Variants in DGKG observed in about 807,000 individuals in gnomAD.
The protein encoded by DGKG is diacylglycerol kinase gamma, also known as DAG kinase gamma.
DGKG carries 78 observed loss-of-function variants against 105.3 expected under a neutral mutation model. The ratio of observed to expected loss-of-function variants is 0.74; its 90% confidence interval spans 0.62 to 0.89. The LOEUF is 0.89. DGKG is among the 40% of genes least tolerant of loss of function. The probability of loss-of-function intolerance (pLI) is 0.00; values close to 1 mark genes in which losing one functional copy is unlikely to be tolerated. For synonymous variants in DGKG, 346 were observed against 367.1 expected (o/e 0.94, Z 0.66); for missense variants, 958 against 1,020.1 (o/e 0.94, Z 0.83).
At chr3:186,221,454 G>A (rs1007784508) in intron 20 of DGKG, among the ~76,000 whole-genome samples, 4 of 152,206 alleles carry the variant, frequency 2.6e-5, no homozygotes, top group South Asian at 2.1e-4. Context: ...CTGATTTGGC[G>A]GAGGGTGGAG....
At chr3:186,243,999 C>T (rs1235192096) in intron 19 of DGKG, among the ~76,000 whole-genome samples, 3 of 147,024 alleles carry the variant, frequency 2.0e-5, no homozygotes, top group Non-Finnish European at 4.5e-5. Context: ...CAGGTTCAGG[C>T]AATTCTTCTG....
At chr3:186,289,846 A>G (rs1464829276) in intron 5 of DGKG, among the ~76,000 whole-genome samples, 1 of 152,206 alleles carries the variant, frequency 6.6e-6, no homozygotes, top group Non-Finnish European at 1.5e-5. Flanking sequence ...GAGGAAGGCA[A>G]TGTTACCTGT....
intron 23 of DGKG, 26 bp from the exon 24 acceptor site, chr3:186,161,689 A>T (rs1382360250): frequency 1.9e-6 from 3 of 1,613,988 alleles, no homozygotes; most frequent in Admixed American, 1.7e-5. Flanking sequence ...CCAAGAGAAC[A>T]CAGTGAGCTT....
chr3:186,152,330 C>T (rs540980870), intron 24 of DGKG, among the ~76,000 whole-genome samples: 49 of 152,240 alleles, frequency 3.2e-4, no homozygotes, highest in African/African-American at 9.6e-4. Flanking sequence ...TATCCCAGGA[C>T]GCACGGAAGC....
chr3:186,302,551 TATATATAC>T (rs1256916300), intron 3 of DGKG, among the ~76,000 whole-genome samples: 43 of 33,026 alleles, frequency 1.3e-3, no homozygotes, highest in South Asian at 4.9e-3. Context: ...TATATATATA[TATATATAC>T]ACATATGTAT....
chr3:186,274,014 T>C (rs1002902441), intron 10 of DGKG, among the ~76,000 whole-genome samples: 1 of 152,114 alleles, frequency 6.6e-6, no homozygotes, highest in African/African-American at 2.4e-5. Context: ...ATCACTCTTT[T>C]CCCCCATCTC....
rs745786256 is a variant in DGKG, at chr3:186,161,136, C to T, written c.2277+467G>A. On this transcript the variant is annotated intron_variant, in intron 24 of 24. Transcript: ENST00000265022. ...CTGTGCTCTGCGAGGAATTTTCTCC[C>T]GGGAGCTCCAGCAGTCAAAGGCGCT... 15 of 987,838 alleles carry T rather than the reference C, an allele frequency of 1.5e-5. No individual in the cohort carries two copies. In the South Asian group the frequency reaches 3.7e-4, roughly 24 times the overall value. 61.2% of individuals were successfully genotyped at this position (987,838 alleles called of 1,614,324 possible).
chr3:186,168,388 G>T (rs1716657642), intron 22 of DGKG, among the ~76,000 whole-genome samples: 1 of 152,132 alleles, frequency 6.6e-6, no homozygotes, highest in South Asian at 2.1e-4. Flanking sequence ...AAGAAAAGAG[G>T]ATGATAACAA....
chr3:186,186,934 T>C (rs1236173890), intron 22 of DGKG, among the ~76,000 whole-genome samples: 1 of 152,236 alleles, frequency 6.6e-6, no homozygotes, highest in Non-Finnish European at 1.5e-5. Flanking sequence ...TGGTGGCCTC[T>C]AAAGCATACT....
chr3:186,342,088 G>A (rs1726114926), intron 1 of DGKG, among the ~76,000 whole-genome samples: 1 of 152,148 alleles, frequency 6.6e-6, no homozygotes, highest in Admixed American at 6.5e-5. Flanking sequence ...AGTGGGTGCA[G>A]TGCACCAGCA....
intron 21 of DGKG, among the ~76,000 whole-genome samples, chr3:186,196,735 T>C (rs1364826224): frequency 6.6e-6 from 1 of 152,140 alleles, no homozygotes; most frequent in African/African-American, 2.4e-5. Context: ...TTAGAGATCA[T>C]TCCTAATTAC....
At chr3:186,262,335 T>C (rs1390435156) in intron 14 of DGKG, among the ~76,000 whole-genome samples, 1 of 152,206 alleles carries the variant, frequency 6.6e-6, no homozygotes, top group Non-Finnish European at 1.5e-5. Context: ...TCTCTCCCTA[T>C]GAAACTCGGC....
rs1196815188 is a variant in DGKG, at chr3:186,320,487, G to A, written c.-28C>T. The stretch of plus-strand genomic sequence containing the variant: ...TTAAACTTTATGTGAGTGGCTAAAG[G>A]GCAGTGATGGAGTTTTGTTCACTAG... On this transcript the variant is annotated 5_prime_UTR_variant, in exon 2 of 25. Coordinates refer to ENST00000265022, the MANE Select transcript of DGKG (RefSeq NM_001346.3). 6.2e-7 allele frequency: 1 copy of A among 1,614,160 alleles called. No individual in the cohort carries two copies. The highest frequency in any genetic ancestry group is 1.1e-5 in the South Asian group (1 of 91,068).
At chr3:186,337,082 A>G (rs1422011241) in intron 1 of DGKG, among the ~76,000 whole-genome samples, 1 of 152,218 alleles carries the variant, frequency 6.6e-6, no homozygotes, top group Non-Finnish European at 1.5e-5. Flanking sequence ...CTTCTCTTAC[A>G]TAAACCATTC....
At chr3:186,327,181 A>G (rs140784974) in intron 1 of DGKG, among the ~76,000 whole-genome samples, 1 of 152,208 alleles carries the variant, frequency 6.6e-6, no homozygotes, top group East Asian at 1.9e-4. Flanking sequence ...AAACAAAAAG[A>G]AAAAGATATA....
intron 21 of DGKG, among the ~76,000 whole-genome samples, chr3:186,189,608 A>G (rs115337378): frequency 6.6e-6 from 1 of 152,304 alleles, no homozygotes; most frequent in Non-Finnish European, 1.5e-5. Context: ...AAAACCCACT[A>G]TCTCTGAGGT....
chr3:186,288,047 C>T (rs935700572), intron 6 of DGKG, among the ~76,000 whole-genome samples: 2 of 152,192 alleles, frequency 1.3e-5, no homozygotes, highest in African/African-American at 2.4e-5. Flanking sequence ...ATCTACAAGA[C>T]TGCAGGCTGT....
chr3:186,263,562 C>T (rs186578868), intron 14 of DGKG, among the ~76,000 whole-genome samples: 11 of 149,490 alleles, frequency 7.4e-5, no homozygotes, highest in African/African-American at 2.0e-4. Flanking sequence ...AGCGAAACCC[C>T]ATCTCAAAAA....
chr3:186,166,014 C>CT (rs1716525177), intron 22 of DGKG, among the ~76,000 whole-genome samples: 1 of 152,156 alleles, frequency 6.6e-6, no homozygotes, highest in African/African-American at 2.4e-5. Context: ...AATGCTATTG[C>CT]TTATATAACA....
Sources: allele counts gnomAD v4.1 joint callset (sites outside exome capture counted in the v4.1 genomes callset), GRCh38; gene constraint gnomAD v4.1.1; transcripts MANE v1.5; gene names NCBI Gene and HGNC (gene_info 2026-07-23, HGNC 2026-07-21).